Variants in BRINP1 observed in about 807,000 individuals in gnomAD.
BRINP1 encodes the protein BMP/retinoic acid-inducible neural-specific protein 1.
Under a neutral mutation model 72.9 loss-of-function variants are expected in BRINP1, and 17 were observed. The observed-to-expected ratio is 0.23, with a 90% CI of 0.16 to 0.35. The LOEUF is 0.35. Ranked by LOEUF, BRINP1 falls within the 10% of genes least tolerant of loss-of-function variation. The probability of loss-of-function intolerance (pLI) is 1.00; values close to 1 mark genes in which losing one functional copy is unlikely to be tolerated. For missense variants in BRINP1, 850 were observed against 1,001.6 expected (o/e 0.85, Z 2.04); for synonymous variants, 418 against 378.5 (o/e 1.10, Z -1.21).
intron 7 of BRINP1, among the ~76,000 whole-genome samples, chr9:119,184,441 A>G (rs1487580564): frequency 6.6e-6 from 1 of 152,176 alleles, no homozygotes; most frequent in Non-Finnish European, 1.5e-5. Flanking sequence ...GACACTTGTA[A>G]GCACTTGTGA....
Position 119,167,304 on chromosome 9 carries a change from G to A in BRINP1, c.2066C>T (p.Ser689Phe), listed in dbSNP as rs938784839. The A allele has an allele frequency of 3.1e-6, 5 of 1,614,164 alleles. No individual in the cohort carries two copies. The highest frequency in any genetic ancestry group is 4.2e-6 in the Non-Finnish European group (5 of 1,180,030). Reference sequence around the variant, plus strand: ...CAACAAGAGGAGCATCACTGACGAAGAGGAATAGAACTGGCCGCCCTGTGT... The same window carrying A: ...CAACAAGAGGAGCATCACTGACGAAAAGGAATAGAACTGGCCGCCCTGTGT... ...SYTQGGQFYS[S>F]SSVMLLLLDI... The change falls in exon 8 of 8, where the codon TCT becomes TTT. Residue 689 changes from serine (S) to phenylalanine (F), a missense_variant. By Grantham distance (155) the Ser-to-Phe change is radical. Coordinates refer to ENST00000265922, the MANE Select transcript of BRINP1 (RefSeq NM_014618.3). This position sits in a 1 kb window ranked among gnomAD's most constrained non-coding sequence, Gnocchi z 4.3.
chr9:119,224,028 G>C (rs948189014), intron 5 of BRINP1, among the ~76,000 whole-genome samples: 2 of 151,734 alleles, frequency 1.3e-5, no homozygotes, highest in East Asian at 3.9e-4. Flanking sequence ...GATCATAGTA[G>C]GTATGCAAAA....
intron 1 of BRINP1, among the ~76,000 whole-genome samples, chr9:119,361,896 C>T (rs902707977): frequency 3.3e-5 from 5 of 150,882 alleles, no homozygotes; most frequent in Non-Finnish European, 5.9e-5. Context: ...CTCTGCCTCC[C>T]GGGTTCAAGC....
At chr9:119,251,371 G>A (rs1470748659) in intron 2 of BRINP1, among the ~76,000 whole-genome samples, 3 of 152,158 alleles carry the variant, frequency 2.0e-5, no homozygotes, top group Non-Finnish European at 4.4e-5. Context: ...CGGGCCTCTA[G>A]GGAAAGCTTC....
At chr9:119,264,511 G>A (rs973032619) in intron 2 of BRINP1, among the ~76,000 whole-genome samples, 2 of 152,220 alleles carry the variant, frequency 1.3e-5, no homozygotes, top group African/African-American at 4.8e-5. Flanking sequence ...TATTCAAGAT[G>A]CCTTATGTTC....
chr9:119,313,056 A>G (rs1211278475), intron 2 of BRINP1, 82 bp downstream of exon 2: 3 of 1,475,206 alleles, frequency 2.0e-6, no homozygotes, highest in Non-Finnish European at 2.8e-6. Context: ...TTCTGCACAC[A>G]GCAAGGTTTG....
chr9:119,275,218 A>G (rs1002810151), intron 2 of BRINP1, among the ~76,000 whole-genome samples: 14 of 152,182 alleles, frequency 9.2e-5, no homozygotes, highest in Non-Finnish European at 1.5e-4. Context: ...GTAGGATTAT[A>G]AAAGCCCATG....
intron 1 of BRINP1, among the ~76,000 whole-genome samples, chr9:119,353,822 CTTTTTTTTTTTTTTTTTTTTTTTT>C (rs138900910): frequency 2.9e-4 from 9 of 30,964 alleles, no homozygotes; most frequent in Non-Finnish European, 5.3e-4. Context: ...GTTTTGAGCA[CTTTTTTTTTTTTTTTTTTTTTTTT>C]TTTTTTTTTA....
intron 2 of BRINP1, among the ~76,000 whole-genome samples, chr9:119,280,214 G>A (rs1044213914): frequency 6.6e-6 from 1 of 151,406 alleles, no homozygotes; most frequent in Admixed American, 6.6e-5. Context: ...TGTAGACAGT[G>A]AGAACATGGA....
At chr9:119,274,036 G>A (rs984473611) in intron 2 of BRINP1, among the ~76,000 whole-genome samples, 1 of 152,192 alleles carries the variant, frequency 6.6e-6, no homozygotes, top group Non-Finnish European at 1.5e-5. Context: ...TGGATACCCA[G>A]ACAAAGATAC....
chr9:119,266,081 G>A (rs1830545598), intron 2 of BRINP1, among the ~76,000 whole-genome samples: 1 of 152,288 alleles, frequency 6.6e-6, no homozygotes, highest in East Asian at 1.9e-4. Flanking sequence ...CAGATATAAT[G>A]AAATGTCAGA....
intron 7 of BRINP1, among the ~76,000 whole-genome samples, chr9:119,180,649 C>G (rs912238341): frequency 4.6e-5 from 7 of 152,176 alleles, no homozygotes; most frequent in Admixed American, 1.3e-4. Flanking sequence ...CAGACTCACT[C>G]TGTTCACTAT....
Position 119,168,101 on chromosome 9 carries a change from C to G in BRINP1, c.1269G>C (p.Gln423His). Reference sequence around the variant, plus strand: ...CGCCTATCACGCAGGGGATGGGGCGCTGGCACAGCGTGGTGCTGCCGTGGC... The same window carrying G: ...CGCCTATCACGCAGGGGATGGGGCGGTGGCACAGCGTGGTGCTGCCGTGGC... ...CVCHGSTTLC[Q>H]RPIPCVIGGN... The change falls in exon 8 of 8, where the codon CAG (glutamine) becomes CAC (histidine). Residue 423 changes from glutamine (Q) to histidine (H), a missense_variant. Gln to His is a conservative substitution (Grantham distance 24, BLOSUM62 0). Transcript: ENST00000265922. The G allele has an allele frequency of 6.2e-7, 1 of 1,609,666 alleles. No homozygotes were observed. The highest frequency in any genetic ancestry group is 8.5e-7 in the Non-Finnish European group (1 of 1,177,412).
chr9:119,188,172 C>T (rs1033614885), intron 7 of BRINP1, among the ~76,000 whole-genome samples: 2 of 148,448 alleles, frequency 1.3e-5, no homozygotes, highest in African/African-American at 5.0e-5. Flanking sequence ...TTAAACATTT[C>T]CCAAGTCTTG....
chr9:119,325,904 T>G (rs920289168), intron 1 of BRINP1, among the ~76,000 whole-genome samples: 1 of 152,200 alleles, frequency 6.6e-6, no homozygotes, highest in Admixed American at 6.5e-5. Flanking sequence ...CTGAACACAC[T>G]GTAAATCTCC....
chr9:119,256,794 A>G (rs1043245297), intron 2 of BRINP1, among the ~76,000 whole-genome samples: 2 of 152,210 alleles, frequency 1.3e-5, no homozygotes, highest in African/African-American at 4.8e-5. Context: ...CACTGGATAA[A>G]TGTGTTTCCT....
chr9:119,208,241 C>T (rs967575237), intron 7 of BRINP1, among the ~76,000 whole-genome samples: 1 of 152,146 alleles, frequency 6.6e-6, no homozygotes, highest in African/African-American at 2.4e-5. Flanking sequence ...TGTCTCCTGA[C>T]ATTTTGTATT....
At chr9:119,276,256 A>C (rs193189895) in intron 2 of BRINP1, among the ~76,000 whole-genome samples, 22 of 152,362 alleles carry the variant, frequency 1.4e-4, no homozygotes, top group Non-Finnish European at 2.9e-5. Context: ...ATTTATGTTT[A>C]ACTATCAAAG....
intron 2 of BRINP1, among the ~76,000 whole-genome samples, chr9:119,286,443 C>G (rs1830761383): frequency 6.6e-6 from 1 of 152,134 alleles, no homozygotes; most frequent in Admixed American, 6.5e-5. Context: ...ACCATGTTAG[C>G]CAGGATGGTC....
Sources: gnomAD v4.1 joint callset for allele counts (sites outside exome capture counted in the v4.1 genomes callset) on GRCh38, gnomAD v4.1.1 for gene constraint, Gnocchi (gnomAD v3.1) non-coding constraint, MANE v1.5 for transcripts, NCBI Gene and HGNC (gene_info 2026-07-23, HGNC 2026-07-21) for gene names.